Variants in SLC22A25 observed in about 807,000 individuals in gnomAD.
SLC22A25 encodes the protein solute carrier family 22 member 25, also known as MGI:2442751, MGI:2385316, MGI:3042283, MGI:3645714, MGI:3605624, MGI:2442750.
A neutral mutation model predicts 45.9 loss-of-function variants in SLC22A25; 44 were observed. The observed-to-expected ratio is 0.96, with a 90% CI of 0.75 to 1.23. SLC22A25 has a LOEUF of 1.23. Ranked by LOEUF, SLC22A25 falls within the 50% of genes most tolerant of loss-of-function variation. The pLI is 0.00. For missense variants in SLC22A25, 800 were observed against 666.4 expected (o/e 1.20, Z -2.21); for synonymous variants, 283 against 238.6 (o/e 1.19, Z -1.72).
At chr11:63,224,483 G>C (rs754832822) in intron 5 of SLC22A25, among the ~76,000 whole-genome samples, 9 of 151,914 alleles carry the variant, frequency 5.9e-5, no homozygotes, top group Non-Finnish European at 8.8e-5. Context: ...TTATTTTCTG[G>C]TTGTTTTGTG....
intron 7 of SLC22A25, among the ~76,000 whole-genome samples, chr11:63,196,259 C>T (rs1228196050): frequency 1.3e-5 from 2 of 152,098 alleles, no homozygotes; most frequent in African/African-American, 4.8e-5. Context: ...TTTATGAGGC[C>T]AGCATAATCC....
chr11:63,211,101 A>G (rs1228629402), intron 7 of SLC22A25, among the ~76,000 whole-genome samples: 2 of 152,094 alleles, frequency 1.3e-5, no homozygotes, highest in South Asian at 2.1e-4. Context: ...TCAAGGTACC[A>G]CGTGTATAGG....
rs2087578594 is a variant in SLC22A25 at position 63,163,720 on chromosome 11, G to A, written c.*104C>T. On this transcript the variant is annotated 3_prime_UTR_variant, in exon 12 of 12. Transcript: ENST00000306494. Reference sequence around the variant, plus strand: ...ATGAGGTCACTGTGGAAGGGATGAGGATACACCAAAGGCAAAGGCACTGAC... The same window carrying A: ...ATGAGGTCACTGTGGAAGGGATGAGAATACACCAAAGGCAAAGGCACTGAC... The A allele has an allele frequency of 3.4e-6, 5 of 1,464,254 alleles. No individual in the cohort carries two copies. The highest frequency in any genetic ancestry group is 4.6e-6 in the Non-Finnish European group (5 of 1,091,384). The allele number at this position is 1,464,254 out of a possible 1,614,324, so 90.7% of individuals were successfully genotyped here. A position where few individuals can be genotyped will look rare whatever the true frequency, so the allele number is the denominator to read the frequency against.
chr11:63,234,970 C>T (rs959037574), intron 3 of SLC22A25, among the ~76,000 whole-genome samples: 11 of 152,228 alleles, frequency 7.2e-5, no homozygotes, highest in Admixed American at 6.5e-5. Flanking sequence ...TTGGCCCCCC[C>T]TCTCTTCTGG....
chr11:63,231,231 G>C lies in SLC22A25; in HGVS notation c.-444-1135C>G, dbSNP rs190645129. On this transcript the variant is annotated intron_variant, in intron 3 of 11. Transcript: ENST00000306494. ...GATCCTTGAGGAGTCACCACACTGT[G>C]TTCCACAATGGTTGAACTAGTTTAC... Among the ~76,000 whole-genome samples the C allele has an allele frequency of 6.2e-4, 94 of 152,250 alleles. No individual in the cohort carries two copies. The East Asian group carries it at 0.016, about 26-fold the overall frequency.
chr11:63,180,373 CAAAT>C (rs1393706926), intron 9 of SLC22A25, among the ~76,000 whole-genome samples: 1 of 152,060 alleles, frequency 6.6e-6, no homozygotes, highest in African/African-American at 2.4e-5. Context: ...AAAATGGAAA[CAAAT>C]GAAGAAACTT....
chr11:63,207,764 T>C (rs1590867265), intron 7 of SLC22A25, among the ~76,000 whole-genome samples: 1 of 152,338 alleles, frequency 6.6e-6, no homozygotes, highest in South Asian at 2.1e-4. Flanking sequence ...TCTCTAGATG[T>C]GTAGCTGCAA....
At chr11:63,219,286 C>T (rs1170697917) in intron 5 of SLC22A25, among the ~76,000 whole-genome samples, 1 of 128,778 alleles carries the variant, frequency 7.8e-6, no homozygotes, top group Non-Finnish European at 1.7e-5. Flanking sequence ...TTTAAAATGG[C>T]AATTTTACCA....
intron 5 of SLC22A25, among the ~76,000 whole-genome samples, chr11:63,221,193 A>C (rs1282166577): frequency 6.6e-6 from 1 of 152,174 alleles, no homozygotes; most frequent in African/African-American, 2.4e-5. Flanking sequence ...CTTTTTGAGG[A>C]ACCTCCAAAT....
intron 7 of SLC22A25, among the ~76,000 whole-genome samples, chr11:63,202,250 G>A (rs1308602980): frequency 6.9e-6 from 1 of 145,818 alleles, no homozygotes; most frequent in East Asian, 2.0e-4. Flanking sequence ...AGCTGCAGGA[G>A]TTTTTTTTTT....
Position 63,228,527 on chromosome 11 carries a change from A to G in SLC22A25, c.440T>C (p.Val147Ala), listed in dbSNP as rs1490886501. 21 of 1,613,692 alleles carry G rather than the reference A, an allele frequency of 1.3e-5. No homozygotes were observed. The highest frequency in any genetic ancestry group is 4.4e-5 in the South Asian group (4 of 91,038). ...LVCESQPLNS[V>A]AKFLFMAGMM... ...TCCAGCCATGAATAGAAATTTAGCTACTGAATTCAGTGGTTGAGATTCGCA... is the reference window on the plus strand; with the variant it reads ...TCCAGCCATGAATAGAAATTTAGCTGCTGAATTCAGTGGTTGAGATTCGCA... Residue 147 changes from valine to alanine, a missense_variant, in exon 5 of 12, where the codon GTA (valine) becomes GCA (alanine). Transcript: ENST00000306494.
chr11:63,201,729 G>A (rs1233003441), intron 7 of SLC22A25, among the ~76,000 whole-genome samples: 1 of 152,146 alleles, frequency 6.6e-6, no homozygotes, highest in Non-Finnish European at 1.5e-5. Flanking sequence ...ACAACCTACA[G>A]AATGGGAGAA....
rs2090023970 is a variant in SLC22A25 at position 63,229,315 on chromosome 11, G to A, written c.338C>T (p.Thr113Ile). Residue 113 changes from threonine (T) to isoleucine (I), a missense_variant, in exon 4 of 12, where the codon ACA becomes ATA. Thr to Ile is a moderately conservative substitution (Grantham distance 89). Transcript: ENST00000306494. Reference sequence around the variant, plus strand: ...TACCCAGCCATCCACACAGGGCTCTGTATCTGGCTCACTCGTGTTGGGGAA... The same window carrying A: ...TACCCAGCCATCCACACAGGGCTCTATATCTGGCTCACTCGTGTTGGGGAA... ...GTFPNTSEPD[T>I]EPCVDGWVYD... The A allele has an allele frequency of 3.7e-6, 6 of 1,609,412 alleles. No homozygotes were observed. The highest frequency in any genetic ancestry group is 5.1e-6 in the Non-Finnish European group (6 of 1,177,458).
At chr11:63,195,199 A>G (rs565188977) in intron 7 of SLC22A25, among the ~76,000 whole-genome samples, 1 of 152,294 alleles carries the variant, frequency 6.6e-6, no homozygotes, top group East Asian at 1.9e-4. Context: ...GCTCAGTGAG[A>G]CAGAATGTTA....
At chr11:63,189,533 A>G (rs1262277008) in intron 7 of SLC22A25, among the ~76,000 whole-genome samples, 1 of 152,188 alleles carries the variant, frequency 6.6e-6, no homozygotes, top group Non-Finnish European at 1.5e-5. Context: ...TGGAGCATTT[A>G]GCCTATTTAC....
At chr11:63,218,579 G>A (rs2089778805) in intron 5 of SLC22A25, among the ~76,000 whole-genome samples, 1 of 152,102 alleles carries the variant, frequency 6.6e-6, no homozygotes, top group Non-Finnish European at 1.5e-5. Flanking sequence ...TCTCTCCTAT[G>A]TACTTTAGCA....
chr11:63,194,495 T>C (rs1267699030), intron 7 of SLC22A25, among the ~76,000 whole-genome samples: 1 of 152,004 alleles, frequency 6.6e-6, no homozygotes, highest in Non-Finnish European at 1.5e-5. Flanking sequence ...CATAAAATCC[T>C]TTACACACAA....
At chr11:63,217,865 A>G in intron 5 of SLC22A25, 130 bp from the exon 6 acceptor site, 1 of 1,101,070 alleles carries the variant, frequency 9.1e-7, no homozygotes. Flanking sequence ...ACGTTAAAGA[A>G]TCAACAGTTA....
chr11:63,180,801 C>A, intron 8 of SLC22A25, 26 bp from the exon 9 acceptor site: 1 of 1,558,534 alleles, frequency 6.4e-7, no homozygotes, highest in East Asian at 2.2e-5. Flanking sequence ...AAGCAATAAA[C>A]TGTTCAGTTG....
Sources: gnomAD v4.1 joint callset for allele counts (sites outside exome capture counted in the v4.1 genomes callset) on GRCh38, gnomAD v4.1.1 for gene constraint, MANE v1.5 for transcripts, NCBI Gene and HGNC (gene_info 2026-07-23, HGNC 2026-07-21) for gene names.